Variants in CDKN2B-AS1 observed in about 807,000 individuals in gnomAD.
The protein encoded by CDKN2B-AS1 is CDKN2B and CDKN2A antisense cis and trans regulatory RNA 1.
intron 1 of CDKN2B-AS1, among the ~76,000 whole-genome samples, chr9:21,998,560 C>T (rs1820786186): frequency 6.6e-6 from 1 of 152,194 alleles, no homozygotes; most frequent in Non-Finnish European, 1.5e-5. Context: ...GTCACTTATG[C>T]AGACAGAATC....
At chr9:22,097,919 G>T (rs1825340325) in intron 4 of CDKN2B-AS1, among the ~76,000 whole-genome samples, 1 of 152,130 alleles carries the variant, frequency 6.6e-6, no homozygotes, top group African/African-American at 2.4e-5. Context: ...TTTCTTTGTG[G>T]TTCCCTTTAG....
chr9:22,105,908 G>GT (rs1825641912), intron 4 of CDKN2B-AS1, among the ~76,000 whole-genome samples: 1 of 152,118 alleles, frequency 6.6e-6, no homozygotes, highest in Non-Finnish European at 1.5e-5. Flanking sequence ...TTTGACTCTT[G>GT]TTTTTTGAGA....
At chr9:22,055,950 A>G (rs751387279) in intron 3 of CDKN2B-AS1, among the ~76,000 whole-genome samples, 8 of 152,144 alleles carry the variant, frequency 5.3e-5, no homozygotes, top group Non-Finnish European at 1.2e-4. Flanking sequence ...ATCAGATAGT[A>G]TGGAGGAAGA....
At chr9:22,083,131 A>T (rs1824755635) in intron 4 of CDKN2B-AS1, among the ~76,000 whole-genome samples, 1 of 152,242 alleles carries the variant, frequency 6.6e-6, no homozygotes, top group African/African-American at 2.4e-5. Flanking sequence ...TACGTATGTT[A>T]TCCCATCTAA....
At chr9:22,113,354 C>A (rs1044623545) in intron 4 of CDKN2B-AS1, among the ~76,000 whole-genome samples, 1 of 152,244 alleles carries the variant, frequency 6.6e-6, no homozygotes, top group African/African-American at 2.4e-5. Flanking sequence ...ACTTCCCTTT[C>A]TGTCACAGCT....
At position 22,005,816 on chromosome 9, in the gene CDKN2B-AS1, G is replaced by T; in HGVS notation, n.29+10655G>T. On this transcript the variant is annotated intron_variant and non_coding_transcript_variant, in intron 1 of 4. Coordinates refer to ENST00000650946, the Ensembl canonical transcript of CDKN2B-AS1. The surrounding 1 kb of genome is among the most constrained non-coding windows in gnomAD (Gnocchi z 4.9). ...GGCCAGATAAGACAAAGAAAAAAATGTATGGAAGGTTATTCCCGGTCGGCT... is the reference window on the plus strand; with the variant it reads ...GGCCAGATAAGACAAAGAAAAAAATTTATGGAAGGTTATTCCCGGTCGGCT... The T allele has an allele frequency of 1.2e-6, 1 of 807,138 alleles. No individual in the cohort carries two copies. The highest frequency in any genetic ancestry group is 2.7e-5 in the East Asian group (1 of 37,334). 50.0% of individuals were successfully genotyped at this position (807,138 alleles called of 1,614,324 possible).
chr9:22,114,887 A>G (rs1825906080), intron 4 of CDKN2B-AS1, among the ~76,000 whole-genome samples: 1 of 152,238 alleles, frequency 6.6e-6, no homozygotes, highest in African/African-American at 2.4e-5. Context: ...TTTATGCTGC[A>G]TTACTGACTA....
chr9:22,085,456 A>G (rs1432230110), intron 4 of CDKN2B-AS1, among the ~76,000 whole-genome samples: 2 of 152,168 alleles, frequency 1.3e-5, no homozygotes, highest in African/African-American at 2.4e-5. Flanking sequence ...GCGGTGGCTC[A>G]CGCCTGTAAT....
chr9:22,067,967 C>G (rs1024362708), intron 4 of CDKN2B-AS1, among the ~76,000 whole-genome samples: 1 of 152,170 alleles, frequency 6.6e-6, no homozygotes, highest in African/African-American at 2.4e-5. Context: ...TTTCATCAAT[C>G]TTTTGTTTTC....
chr9:22,058,544 G>A (rs118035138), intron 4 of CDKN2B-AS1: 1 of 152,332 alleles, frequency 6.6e-6, no homozygotes, highest in East Asian at 1.9e-4. Flanking sequence ...AAGCCCAAAT[G>A]TAAACAGAAA....
intron 3 of CDKN2B-AS1, among the ~76,000 whole-genome samples, chr9:22,049,483 C>CTT (rs34713115): frequency 0.72 from 109,161 of 152,000 alleles, 41,006 homozygotes; most frequent in African/African-American, 0.93. Flanking sequence ...TTTTAGGACT[C>CTT]TCTGCACACT....
intron 4 of CDKN2B-AS1, chr9:22,061,931 A>G (rs1823839323): frequency 2.6e-5 from 4 of 152,220 alleles, no homozygotes; most frequent in African/African-American, 9.6e-5. Flanking sequence ...ACTAGCTATT[A>G]TTTTTATCCT....
At chr9:22,031,399 A>T (rs1465927201) in intron 1 of CDKN2B-AS1, among the ~76,000 whole-genome samples, 1 of 152,196 alleles carries the variant, frequency 6.6e-6, no homozygotes, top group African/African-American at 2.4e-5. Context: ...ATATGAGGTG[A>T]ATAGAGAAGG....
rs565976741 is a variant in CDKN2B-AS1, at chr9:22,056,961, CCTA to C, written n.438+575_438+577del. 2.6e-5 allele frequency among the ~76,000 whole-genome samples: 4 copies of C among 152,260 alleles called. No homozygotes were observed. In the South Asian group the frequency reaches 8.3e-4, roughly 32 times the overall value. The stretch of plus-strand genomic sequence containing the variant: ...TCTTAATTAATGAACCTGACATTCA[CCTA>C]GTAGCTTAGTCCTCAAAACTAGGGA... On this transcript the variant is annotated intron_variant and non_coding_transcript_variant, in intron 4 of 4. Transcript: ENST00000650946.
At chr9:22,099,106 A>T (rs907105192) in intron 4 of CDKN2B-AS1, among the ~76,000 whole-genome samples, 2 of 152,226 alleles carry the variant, frequency 1.3e-5, no homozygotes, top group Non-Finnish European at 2.9e-5. Flanking sequence ...TGAGTCTTGA[A>T]GGACAAATGG....
intron 4 of CDKN2B-AS1, among the ~76,000 whole-genome samples, chr9:22,081,282 T>C (rs1824685297): frequency 6.6e-6 from 1 of 151,750 alleles, no homozygotes; most frequent in South Asian, 2.1e-4. Flanking sequence ...TAGCTTTTTT[T>C]TTTTTTTTTT....
intron 4 of CDKN2B-AS1, among the ~76,000 whole-genome samples, chr9:22,126,554 G>C (rs980789590): frequency 2.1e-5 from 3 of 143,470 alleles, no homozygotes; most frequent in Admixed American, 1.3e-4. Flanking sequence ...ATACTTGAAT[G>C]GGGATGGAGT....
Position 22,006,016 on chromosome 9 carries a change from C to G in CDKN2B-AS1, n.29+10855C>G, listed in dbSNP as rs1821158922. 6.2e-7 allele frequency: 1 copy of G among 1,603,626 alleles called. No individual in the cohort carries two copies. The stretch of plus-strand genomic sequence containing the variant: ...TCCCCCGTGGCTGTGCGCAGGTACC[C>G]TGCAACGTCGCGGTGGCCCCGCTCC... On this transcript the variant is annotated intron_variant and non_coding_transcript_variant, in intron 1 of 4. Coordinates refer to ENST00000650946, the Ensembl canonical transcript of CDKN2B-AS1. This position sits in a 1 kb window ranked among gnomAD's most constrained non-coding sequence, Gnocchi z 6.4.
intron 4 of CDKN2B-AS1, among the ~76,000 whole-genome samples, chr9:22,062,265 T>C (rs1191594076): frequency 5.3e-5 from 8 of 152,218 alleles, no homozygotes. Context: ...AATGAATTTA[T>C]TTTTGTTTAG....
Sources: allele counts gnomAD v4.1 joint callset (sites outside exome capture counted in the v4.1 genomes callset), GRCh38; gene constraint gnomAD v4.1.1; non-coding constraint Gnocchi (gnomAD v3.1); transcripts MANE v1.5; gene names NCBI Gene and HGNC (gene_info 2026-07-23, HGNC 2026-07-21).